The following ACAD10 variants were observed in gnomAD, a reference collection of about 807,000 sequenced individuals.
ACAD10 encodes ACAD-10.
Under a neutral mutation model 116.8 loss-of-function variants are expected in ACAD10, and 112 were observed. The ratio of observed to expected loss-of-function variants is 0.96; its 90% CI spans 0.82 to 1.12. The LOEUF is 1.12. ACAD10 is among the 50% of genes most tolerant of loss of function. The pLI is 0.00. For synonymous variants in ACAD10, 486 were observed against 510.6 expected, an observed-to-expected ratio of 0.95 and a Z score of 0.65; for missense variants, 1,259 against 1,350.2, an observed-to-expected ratio of 0.93 and a Z score of 1.06.
chr12:111,725,768 C>T (rs1889195515), intron 8 of ACAD10, among the ~76,000 whole-genome samples: 1 of 151,820 alleles, frequency 6.6e-6, no homozygotes. Context: ...CTCTTGACCT[C>T]AAGTGATCCA....
intron 8 of ACAD10, among the ~76,000 whole-genome samples, chr12:111,727,480 C>T (rs1325410003): frequency 1.3e-5 from 2 of 151,936 alleles, no homozygotes; most frequent in Non-Finnish European, 2.9e-5. Context: ...GCCGAGATCG[C>T]GCCACTGCAC....
intron 18 of ACAD10, among the ~76,000 whole-genome samples, chr12:111,752,093 C>T (rs976027936): frequency 3.3e-5 from 5 of 149,648 alleles, no homozygotes; most frequent in South Asian, 4.2e-4. Flanking sequence ...GGTGTGGTGG[C>T]ACACATTTAT....
At chr12:111,720,914 G>A (rs1888997430) in intron 7 of ACAD10, among the ~76,000 whole-genome samples, 1 of 151,990 alleles carries the variant, frequency 6.6e-6, no homozygotes, top group Non-Finnish European at 1.5e-5. Context: ...CACCCAAGTA[G>A]CTGGGATTAC....
intron 9 of ACAD10, 139 bp downstream of exon 9, chr12:111,728,282 G>A: frequency 1.2e-6 from 1 of 865,944 alleles, no homozygotes; most frequent in Non-Finnish European, 1.7e-6. Context: ...TGGAAATCCA[G>A]TTTAGTTTTA....
intron 3 of ACAD10, among the ~76,000 whole-genome samples, chr12:111,704,688 CTTTT>C (rs59745029): frequency 2.2e-4 from 28 of 126,124 alleles, no homozygotes; most frequent in Admixed American, 1.7e-4. Context: ...TTCTTTCTTT[CTTTT>C]TTTTTTTTTT....
intron 1 of ACAD10, among the ~76,000 whole-genome samples, chr12:111,689,494 C>T (rs1204379263): frequency 1.3e-5 from 2 of 151,890 alleles, no homozygotes; most frequent in Non-Finnish European, 2.9e-5. Context: ...GTCCCAGCCT[C>T]CCGAGTATCT....
chr12:111,756,627 T>C lies in ACAD10; in HGVS notation c.*154T>C, dbSNP rs1211851494. On this transcript the variant is annotated 3_prime_UTR_variant, in exon 21 of 21. Transcript: ENST00000313698. ...TCAGGGTGGACTCAATCTTTCTGGTTCTCCACAGAAGACGTCTCTGCAAGA... is the reference window on the plus strand; with the variant it reads ...TCAGGGTGGACTCAATCTTTCTGGTCCTCCACAGAAGACGTCTCTGCAAGA... The C allele has an allele frequency of 1.0e-5, 13 of 1,247,578 alleles. No individual in the cohort carries two copies. The Middle Eastern group carries it at 5.5e-4, about 53-fold the overall frequency. 77.3% of individuals were successfully genotyped at this position (1,247,578 alleles called of 1,614,324 possible).
chr12:111,723,907 C>T (rs1409376869), intron 8 of ACAD10, among the ~76,000 whole-genome samples: 31 of 146,388 alleles, frequency 2.1e-4, no homozygotes, highest in African/African-American at 5.1e-4. Flanking sequence ...ACCTCCCAGA[C>T]GGGGTCTCGG....
intron 6 of ACAD10, among the ~76,000 whole-genome samples, chr12:111,713,645 A>C (rs1218286704): frequency 6.6e-6 from 1 of 151,508 alleles, no homozygotes; most frequent in Non-Finnish European, 1.5e-5. Context: ...AGGAAAAGAA[A>C]AAAAAAAAGG....
intron 3 of ACAD10, 47 bp downstream of exon 3, chr12:111,702,357 G>GC: frequency 6.3e-7 from 1 of 1,598,090 alleles, no homozygotes; most frequent in Non-Finnish European, 8.5e-7. Flanking sequence ...TTTTTGCCTT[G>GC]AGTAGTGGTT....
chr12:111,724,660 G>A (rs955431236), intron 8 of ACAD10, among the ~76,000 whole-genome samples: 2 of 151,924 alleles, frequency 1.3e-5, no homozygotes, highest in Admixed American at 6.6e-5. Flanking sequence ...CAGGCGTGGC[G>A]GCGCGTGCCT....
chr12:111,687,076 C>A (rs912742891), intron 1 of ACAD10, among the ~76,000 whole-genome samples: 1 of 152,014 alleles, frequency 6.6e-6, no homozygotes, highest in Admixed American at 6.6e-5. Flanking sequence ...TATGTAGATA[C>A]TGACACAATC....
chr12:111,738,872 C>G (rs1889650007), intron 12 of ACAD10, among the ~76,000 whole-genome samples: 1 of 151,554 alleles, frequency 6.6e-6, no homozygotes, highest in Non-Finnish European at 1.5e-5. Context: ...CACTGTCCCC[C>G]CAAAAATAAA....
chr12:111,741,823 G>A (rs1054731381), intron 12 of ACAD10, among the ~76,000 whole-genome samples: 1 of 152,150 alleles, frequency 6.6e-6, no homozygotes, highest in Admixed American at 6.6e-5. Flanking sequence ...GAGATATTTG[G>A]TACTGGCCAG....
At chr12:111,726,753 C>T (rs576018839) in intron 8 of ACAD10, among the ~76,000 whole-genome samples, 5 of 152,170 alleles carry the variant, frequency 3.3e-5, no homozygotes, top group Non-Finnish European at 7.4e-5. Flanking sequence ...TTCAGCTATT[C>T]GGGATGCTGA....
At chr12:111,738,500 C>G (rs1016852785) in intron 12 of ACAD10, among the ~76,000 whole-genome samples, 5 of 150,374 alleles carry the variant, frequency 3.3e-5, no homozygotes, top group Non-Finnish European at 7.4e-5. Flanking sequence ...CTCCCACTTG[C>G]TAACAATAGG....
chr12:111,728,416 C>A (rs1490513617), intron 9 of ACAD10, among the ~76,000 whole-genome samples: 2 of 151,612 alleles, frequency 1.3e-5, no homozygotes, highest in African/African-American at 4.9e-5. Context: ...ATTCTGCTAT[C>A]CAATTCCCTG....
intron 1 of ACAD10, among the ~76,000 whole-genome samples, chr12:111,692,247 A>C (rs11066002): frequency 0.078 from 11,928 of 152,188 alleles, 1,625 homozygotes; most frequent in East Asian, 0.62. Flanking sequence ...GGATTACAGG[A>C]GTGAGCCACC....
At chr12:111,756,265 A>G (rs981582077) in intron 20 of ACAD10, 68 bp from the exon 21 acceptor site, 8 of 1,503,386 alleles carry the variant, frequency 5.3e-6, no homozygotes, top group Admixed American at 4.9e-5. Context: ...AGAGCAGGCT[A>G]TCATTCCTGG....
Sources: allele counts gnomAD v4.1 joint callset (sites outside exome capture counted in the v4.1 genomes callset), GRCh38; gene constraint gnomAD v4.1.1; transcripts MANE v1.5; gene names NCBI Gene and HGNC (gene_info 2026-07-23, HGNC 2026-07-21).